PREP: variants seen among roughly 807,000 people sequenced by gnomAD.
The protein encoded by PREP is prolyl endopeptidase, also known as dJ355L5.1 (prolyl endopeptidase).
Under a neutral mutation model 87.6 loss-of-function variants are expected in PREP, and 29 were observed. The observed-to-expected ratio is 0.33, with a 90% CI of 0.25 to 0.45. The LOEUF is 0.45. Ranked by LOEUF, PREP falls within the 20% of genes least tolerant of loss-of-function variation. PREP has a pLI of 1.00. For synonymous variants in PREP, 337 were observed against 328.6 expected (o/e 1.03, Z -0.28); for missense variants, 695 against 886.5 (o/e 0.78, Z 2.74).
intron 6 of PREP, among the ~76,000 whole-genome samples, chr6:105,354,059 T>G (rs1772028764): frequency 6.6e-6 from 1 of 152,194 alleles, no homozygotes; most frequent in Non-Finnish European, 1.5e-5. Flanking sequence ...ACTATACATA[T>G]TCTTTTGCAA....
At chr6:105,359,946 A>G (rs11752450) in intron 6 of PREP, among the ~76,000 whole-genome samples, 10,889 of 152,214 alleles carry the variant, frequency 0.072, 431 homozygotes, top group Middle Eastern at 0.12. Flanking sequence ...TCAAACTTCT[A>G]GCACACAAAT....
intron 1 of PREP, among the ~76,000 whole-genome samples, chr6:105,401,420 A>C (rs1277539847): frequency 6.6e-6 from 1 of 152,208 alleles, no homozygotes; most frequent in Non-Finnish European, 1.5e-5. Flanking sequence ...CAACATTCCT[A>C]CTGCAGAAGC....
At chr6:105,305,727 G>T (rs777205043) in intron 10 of PREP, among the ~76,000 whole-genome samples, 18 of 152,116 alleles carry the variant, frequency 1.2e-4, no homozygotes, top group Non-Finnish European at 2.4e-4. Flanking sequence ...TTTTTTGACA[G>T]CCCAGACATG....
rs202011848 is a variant in PREP, at chr6:105,368,935, G to T, written c.685C>A (p.Pro229Thr). The T allele has an allele frequency of 1.3e-4, 208 of 1,613,884 alleles. No individual in the cohort carries two copies. Among genetic ancestry groups the T allele is most frequent in the Non-Finnish European group, 1.6e-4 (186 of 1,179,978 alleles). ...CCACCCATCCATTTAGGTTCATCAG[G>T]AAACTCAGCACACAAAATATCTTCT... The part of the protein sequence containing the change: ...QSEDILCAEF[P>T]DEPKWMGGAE... The change falls in exon 6 of 15, where the codon CCT becomes ACT. Residue 229 changes from proline to threonine, a missense_variant. Around this residue, in one of 5 missense-constraint regions of PREP, gnomAD observed 517 missense variants for 620.3 expected, o/e 0.83. Coordinates refer to ENST00000652536, the MANE Select transcript of PREP (RefSeq NM_002726.5).
intron 2 of PREP, among the ~76,000 whole-genome samples, chr6:105,388,145 C>CA (rs961267926): frequency 6.6e-6 from 1 of 151,340 alleles, no homozygotes; most frequent in African/African-American, 2.4e-5. Flanking sequence ...CTACAGAAGC[C>CA]AAAGAGGGTC....
chr6:105,391,260 T>A (rs1007427805), intron 2 of PREP, among the ~76,000 whole-genome samples: 1 of 151,880 alleles, frequency 6.6e-6, no homozygotes, highest in African/African-American at 2.4e-5. Context: ...TGGGCGCCTG[T>A]AATTCCAGCT....
At chr6:105,387,185 G>A (rs556425675) in intron 2 of PREP, among the ~76,000 whole-genome samples, 7 of 151,878 alleles carry the variant, frequency 4.6e-5, no homozygotes, top group African/African-American at 1.5e-4. Context: ...CCACTGCACT[G>A]CGGCCTGGGT....
intron 7 of PREP, among the ~76,000 whole-genome samples, chr6:105,347,373 TG>T (rs1277788957): frequency 6.6e-6 from 1 of 152,210 alleles, no homozygotes; most frequent in Admixed American, 6.5e-5. Flanking sequence ...CATTAATGCA[TG>T]TCTAATTCAT....
At chr6:105,311,918 A>G (rs952674721) in intron 10 of PREP, among the ~76,000 whole-genome samples, 1 of 152,210 alleles carries the variant, frequency 6.6e-6, no homozygotes, top group African/African-American at 2.4e-5. Context: ...AAGGATTCTG[A>G]GCAATGGTGT....
At chr6:105,308,911 A>G (rs925677909) in intron 10 of PREP, among the ~76,000 whole-genome samples, 2 of 152,176 alleles carry the variant, frequency 1.3e-5, no homozygotes, top group African/African-American at 2.4e-5. Flanking sequence ...GGGCTGCTAT[A>G]GTACACAGGA....
intron 9 of PREP, 35 bp downstream of exon 9, chr6:105,328,794 T>C (rs774813942): frequency 6.2e-7 from 1 of 1,604,120 alleles, no homozygotes; most frequent in East Asian, 2.2e-5. Context: ...CAGTCGGATT[T>C]TTAAAGTGAA....
chr6:105,400,381 T>C (rs763675271), intron 1 of PREP, among the ~76,000 whole-genome samples: 6 of 152,196 alleles, frequency 3.9e-5, no homozygotes, highest in Non-Finnish European at 7.3e-5. Context: ...GCCCTGCTCA[T>C]CTTTCCAGCC....
At chr6:105,373,645 T>C in intron 4 of PREP, 67 bp from the exon 5 acceptor site, 1 of 1,409,962 alleles carries the variant, frequency 7.1e-7, no homozygotes. Flanking sequence ...CTTTATGCCA[T>C]CTAACAAAGC....
chr6:105,384,613 C>A (rs1772934956), intron 2 of PREP, among the ~76,000 whole-genome samples: 1 of 152,184 alleles, frequency 6.6e-6, no homozygotes, highest in Non-Finnish European at 1.5e-5. Context: ...TAAGCAAAGT[C>A]TTTCCATCAA....
intron 6 of PREP, among the ~76,000 whole-genome samples, chr6:105,361,069 A>G (rs1035721816): frequency 6.6e-6 from 1 of 152,216 alleles, no homozygotes; most frequent in Non-Finnish European, 1.5e-5. Flanking sequence ...ATTTTAAACA[A>G]TAAACCTATA....
intron 6 of PREP, among the ~76,000 whole-genome samples, chr6:105,361,937 T>C (rs1435804832): frequency 6.6e-6 from 1 of 152,110 alleles, no homozygotes; most frequent in East Asian, 1.9e-4. Flanking sequence ...CAAATAAAGT[T>C]ACCCAGCTTT....
chr6:105,358,647 T>C (rs1772164540), intron 6 of PREP, among the ~76,000 whole-genome samples: 1 of 152,144 alleles, frequency 6.6e-6, no homozygotes, highest in African/African-American at 2.4e-5. Context: ...CAGAAAGACA[T>C]GTCTCCTGAA....
chr6:105,287,331 T>C (rs1193542884), intron 11 of PREP, among the ~76,000 whole-genome samples: 1 of 152,166 alleles, frequency 6.6e-6, no homozygotes, highest in Non-Finnish European at 1.5e-5. Context: ...ATAGAATGAA[T>C]GAACAGCAAC....
intron 6 of PREP, among the ~76,000 whole-genome samples, chr6:105,366,918 G>A (rs746443351): frequency 1.3e-5 from 2 of 152,188 alleles, no homozygotes; most frequent in Non-Finnish European, 1.5e-5. Context: ...TGGCTGCCAG[G>A]TGATGGCAGT....
Sources: allele counts gnomAD v4.1 joint callset (sites outside exome capture counted in the v4.1 genomes callset), GRCh38; gene constraint gnomAD v4.1.1; regional missense constraint gnomAD v4.1.1; transcripts MANE v1.5; gene names NCBI Gene and HGNC (gene_info 2026-07-23, HGNC 2026-07-21).